The following FOLH1 variants were observed in gnomAD, a reference collection of about 807,000 sequenced individuals.
The protein encoded by FOLH1 is glutamate carboxypeptidase 2.
In FOLH1, 54 loss-of-function variants were observed where a neutral mutation model predicts 93.9. That is an observed-to-expected ratio of 0.57 (90% CI 0.46 to 0.72). The LOEUF (loss-of-function observed/expected upper bound fraction) is 0.72, where lower values mean the gene tolerates loss of function less well. FOLH1 is among the 30% of genes least tolerant of loss of function. The probability of loss-of-function intolerance (pLI) is 0.00; values close to 1 mark genes in which losing one functional copy is unlikely to be tolerated. For synonymous variants in FOLH1, 249 were observed against 303.6 expected, an observed-to-expected ratio of 0.82 and a Z score of 1.87; for missense variants, 571 against 892.5, an observed-to-expected ratio of 0.64 and a Z score of 4.59.
intron 10 of FOLH1, among the ~76,000 whole-genome samples, chr11:49,172,296 T>G (rs1446260120): frequency 3.9e-5 from 6 of 152,228 alleles, no homozygotes; most frequent in African/African-American, 7.2e-5. Context: ...TCATGAATTA[T>G]GTAAATTTAG....
intron 1 of FOLH1, chr11:49,206,785 C>T (rs1169089134): frequency 2.6e-6 from 4 of 1,535,878 alleles, no homozygotes; most frequent in Middle Eastern, 1.7e-4. Flanking sequence ...TACCCAGCCT[C>T]TCTGCCAGAC....
intron 3 of FOLH1, among the ~76,000 whole-genome samples, chr11:49,198,777 C>CT (rs1337012575): frequency 0.011 from 1,567 of 139,376 alleles, 18 homozygotes; most frequent in African/African-American, 0.035. Context: ...GTTTGTTTTT[C>CT]TTTTTTTTTT....
At chr11:49,198,565 A>C (rs1485520149) in intron 3 of FOLH1, among the ~76,000 whole-genome samples, 2 of 152,048 alleles carry the variant, frequency 1.3e-5, no homozygotes, top group Non-Finnish European at 2.9e-5. Flanking sequence ...AATTTGATAG[A>C]TCAAAGAGAC....
At position 49,169,234 on chromosome 11, in the gene FOLH1, G is replaced by A. The variant is rs776416420; in HGVS notation, c.1333C>T (p.Arg445Cys). ...TCAGCATTAATATAAGCCACGCCAC[G>A]CTCTTGAAGGAGTCTTGAATTCTCC... ...AEENSRLLQE[R>C]GVAYINADSS... The change falls in exon 12 of 19, where the codon CGT becomes TGT. Residue 445 changes from arginine to cysteine, a missense_variant. Arg to Cys is a radical substitution (Grantham distance 180). Coordinates refer to ENST00000256999, the MANE Select transcript of FOLH1 (RefSeq NM_004476.3). The A allele has an allele frequency of 9.3e-6, 15 of 1,613,100 alleles. No homozygotes were observed. Among genetic ancestry groups the A allele is most frequent in the South Asian group, 2.2e-5 (2 of 91,032 alleles).
At chr11:49,148,438 A>T (rs1321834349) in intron 18 of FOLH1, among the ~76,000 whole-genome samples, 1 of 151,708 alleles carries the variant, frequency 6.6e-6, no homozygotes, top group African/African-American at 2.4e-5. Context: ...AATCAGAACA[A>T]AGATACTCAA....
In FOLH1 at chr11:49,148,716, T is replaced by C. The variant is rs372016808; in HGVS notation, c.1986A>G (p.Arg662=). The change falls in exon 18 of 19, where the codon AGA becomes AGG. Residue 662 remains arginine, a synonymous_variant. Transcript: ENST00000256999. ...DFDKSNPIVL[R]MMNDQLMFLE... is the part of the protein sequence containing the mutation. ...GAAACATGAGTTGATCATTCATCAT[T>C]CTTAATACTATTGGGCTGAGAAAGA... The C allele has an allele frequency of 1.2e-4, 192 of 1,600,164 alleles. 3 individuals are homozygous for C. In the South Asian group the frequency reaches 2.1e-3, roughly 18 times the overall value.
At chr11:49,150,629 A>G (rs866021112) in intron 17 of FOLH1, among the ~76,000 whole-genome samples, 1 of 152,188 alleles carries the variant, frequency 6.6e-6, no homozygotes, top group Non-Finnish European at 1.5e-5. Context: ...TGATTACTTA[A>G]GTCTTTCAAC....
intron 7 of FOLH1, among the ~76,000 whole-genome samples, chr11:49,181,409 C>A (rs1177596148): frequency 6.6e-6 from 1 of 151,630 alleles, no homozygotes; most frequent in Admixed American, 6.6e-5. Flanking sequence ...CGCGCCCAGC[C>A]CCATGTTTTA....
At chr11:49,207,393 A>C (rs775977467) in intron 1 of FOLH1, among the ~76,000 whole-genome samples, 4 of 152,228 alleles carry the variant, frequency 2.6e-5, no homozygotes, top group Non-Finnish European at 5.9e-5. Context: ...TAACAACCCC[A>C]AGGTGAAGCT....
intron 6 of FOLH1, among the ~76,000 whole-genome samples, chr11:49,184,365 C>T (rs1861136938): frequency 6.6e-6 from 1 of 151,882 alleles, no homozygotes; most frequent in East Asian, 1.9e-4. Context: ...AACATTAGCC[C>T]CATAGAAATA....
At chr11:49,158,905 G>C (rs572152233) in intron 13 of FOLH1, among the ~76,000 whole-genome samples, 1 of 152,262 alleles carries the variant, frequency 6.6e-6, no homozygotes, top group South Asian at 2.1e-4. Flanking sequence ...TTGTGAATGA[G>C]TGGTAATTTG....
At chr11:49,170,940 C>T (rs1325095613) in intron 11 of FOLH1, among the ~76,000 whole-genome samples, 1 of 152,140 alleles carries the variant, frequency 6.6e-6, no homozygotes, top group African/African-American at 2.4e-5. Context: ...TACTCTCATA[C>T]TCCCAGGAAA....
chr11:49,204,006 G>T (rs187307565), intron 2 of FOLH1, among the ~76,000 whole-genome samples: 1 of 152,296 alleles, frequency 6.6e-6, no homozygotes, highest in East Asian at 1.9e-4. Context: ...ATGCGTGTTA[G>T]AGACAAAAAT....
intron 12 of FOLH1, among the ~76,000 whole-genome samples, chr11:49,166,622 T>C (rs1031029232): frequency 9.2e-5 from 14 of 152,224 alleles, no homozygotes; most frequent in Non-Finnish European, 1.5e-5. Flanking sequence ...GTAGTTTGCA[T>C]TGGGGAGTTT....
chr11:49,163,540 A>T (rs1180098090), intron 13 of FOLH1, among the ~76,000 whole-genome samples: 3 of 142,164 alleles, frequency 2.1e-5, no homozygotes, highest in Non-Finnish European at 4.5e-5. Flanking sequence ...CCAGATAGGC[A>T]CAACACTGCT....
At chr11:49,196,073 G>C (rs1323330033) in intron 3 of FOLH1, among the ~76,000 whole-genome samples, 1 of 152,138 alleles carries the variant, frequency 6.6e-6, no homozygotes, top group Non-Finnish European at 1.5e-5. Flanking sequence ...AGAATTGCTT[G>C]AACCCGGGAG....
Position 49,176,807 on chromosome 11 carries a change from G to A in FOLH1, c.921-850C>T, listed in dbSNP as rs2696905. 6.1e-3 allele frequency among the ~76,000 whole-genome samples: 768 copies of A among 125,368 alleles called. 1 individual carries two copies. Among genetic ancestry groups the A allele is most frequent in the Non-Finnish European group, 8.6e-3 (513 of 59,754 alleles). The allele number at this position is 125,368 out of a possible 152,430, so 82.2% of individuals were successfully genotyped here. On this transcript the variant is annotated intron_variant, in intron 7 of 18. Transcript: ENST00000256999. ...AAACAGACTTCTTTGGGCCTACCAC[G>A]GGCATTTTGTTCCTTAACAATACTC...
intron 17 of FOLH1, among the ~76,000 whole-genome samples, chr11:49,153,634 A>G (rs919492835): frequency 6.6e-6 from 1 of 152,164 alleles, no homozygotes; most frequent in Non-Finnish European, 1.5e-5. Flanking sequence ...GAGTGGAAAG[A>G]CAGAAAACAG....
At chr11:49,163,909 C>T (rs972259760) in intron 13 of FOLH1, among the ~76,000 whole-genome samples, 5 of 152,200 alleles carry the variant, frequency 3.3e-5, no homozygotes, top group South Asian at 4.1e-4. Context: ...GTTGCACATT[C>T]GCTCATCATT....
Sources: gnomAD v4.1 joint callset for allele counts (sites outside exome capture counted in the v4.1 genomes callset) on GRCh38, gnomAD v4.1.1 for gene constraint, MANE v1.5 for transcripts, NCBI Gene and HGNC (gene_info 2026-07-23, HGNC 2026-07-21) for gene names.